PCDH15: variants seen among roughly 807,000 people sequenced by gnomAD.
PCDH15 encodes protocadherin-15.
PCDH15 carries 129 observed loss-of-function variants against 178.5 expected under a neutral mutation model. The ratio of observed to expected loss-of-function variants is 0.72; its 90% confidence interval spans 0.63 to 0.84. The LOEUF is 0.84. Ranked by LOEUF, PCDH15 falls within the 40% of genes least tolerant of loss-of-function variation. PCDH15 has a pLI of 0.00. For synonymous variants in PCDH15, 800 were observed against 732.0 expected (o/e 1.09, Z -1.50); for missense variants, 2,230 against 2,099.9 (o/e 1.06, Z -1.21).
chr10:55,626,029 G>T (rs1400469802), intron 2 of PCDH15, among the ~76,000 whole-genome samples: 1 of 151,976 alleles, frequency 6.6e-6, no homozygotes, highest in African/African-American at 2.4e-5. Context: ...TTAATTCAGG[G>T]CAACCCAACT....
At chr10:54,121,172 A>G (rs73239941) in intron 15 of PCDH15, among the ~76,000 whole-genome samples, 4,406 of 152,066 alleles carry the variant, frequency 0.029, 284 homozygotes, top group African/African-American at 0.1. Context: ...TGGAAATTAA[A>G]CAGCTTGCTC....
intron 2 of PCDH15, among the ~76,000 whole-genome samples, chr10:54,981,951 T>C (rs956442623): frequency 5.3e-5 from 8 of 151,876 alleles, no homozygotes; most frequent in Non-Finnish European, 7.4e-5. Context: ...TTTTTTTTCT[T>C]TATAGAAGAG....
At chr10:55,504,104 CTT>C (rs1394143043) in intron 2 of PCDH15, among the ~76,000 whole-genome samples, 11 of 151,182 alleles carry the variant, frequency 7.3e-5, no homozygotes, top group Non-Finnish European at 1.5e-4. Flanking sequence ...CATGTTATAC[CTT>C]TGTTTGAACC....
intron 15 of PCDH15, among the ~76,000 whole-genome samples, chr10:54,132,527 G>A (rs189643942): frequency 3.3e-5 from 5 of 152,204 alleles, no homozygotes; most frequent in Non-Finnish European, 5.9e-5. Flanking sequence ...TGGACAAAAG[G>A]CATACAAGAC....
intron 3 of PCDH15, among the ~76,000 whole-genome samples, chr10:54,444,710 T>C (rs2076040711): frequency 2.0e-5 from 3 of 151,674 alleles, no homozygotes; most frequent in African/African-American, 7.2e-5. Flanking sequence ...GAAACATCTA[T>C]TAATATTGCA....
chr10:54,297,492 A>G (rs1191921240), intron 8 of PCDH15, among the ~76,000 whole-genome samples: 1 of 152,170 alleles, frequency 6.6e-6, no homozygotes. Flanking sequence ...ATCCACAACT[A>G]TGCAAAGCTT....
chr10:55,276,661 G>C (rs1842605645), intron 1 of PCDH15, among the ~76,000 whole-genome samples: 1 of 151,364 alleles, frequency 6.6e-6, no homozygotes, highest in African/African-American at 2.4e-5. Flanking sequence ...TTTCTTGCAT[G>C]GTATTTATTA....
At chr10:53,938,159 G>A (rs944258426) in intron 25 of PCDH15, among the ~76,000 whole-genome samples, 3 of 152,078 alleles carry the variant, frequency 2.0e-5, no homozygotes, top group African/African-American at 7.2e-5. Flanking sequence ...ATGCTTCTCT[G>A]TGGGGGTAAA....
At chr10:54,445,983 T>G (rs2076119788) in intron 3 of PCDH15, among the ~76,000 whole-genome samples, 1 of 151,598 alleles carries the variant, frequency 6.6e-6, no homozygotes. Flanking sequence ...ACACTGTATA[T>G]GCTCTGATGA....
intron 1 of PCDH15, among the ~76,000 whole-genome samples, chr10:54,799,769 C>T (rs1457989105): frequency 6.6e-6 from 1 of 151,998 alleles, no homozygotes; most frequent in East Asian, 1.9e-4. Flanking sequence ...TGAAGACACA[C>T]ATGTACAGAT....
At chr10:54,645,229 A>T (rs531308382) in intron 2 of PCDH15, among the ~76,000 whole-genome samples, 2 of 152,258 alleles carry the variant, frequency 1.3e-5, no homozygotes, top group Admixed American at 6.5e-5. Context: ...GAAGCAGTTG[A>T]TATGCAAAAA....
chr10:54,357,832 C>A (rs1041719172), intron 5 of PCDH15, among the ~76,000 whole-genome samples: 2 of 152,042 alleles, frequency 1.3e-5, no homozygotes, highest in African/African-American at 4.8e-5. Flanking sequence ...ATCAATGGAA[C>A]AGAACAGAGC....
rs573926999 is a variant in PCDH15 at position 55,111,413 on chromosome 10, A to G, written c.-80+55163T>C. Among the ~76,000 whole-genome samples, 4 of 152,366 alleles carry G rather than the reference A, an allele frequency of 2.6e-5. No individual in the cohort carries two copies. The South Asian group carries it at 6.2e-4, about 24-fold the overall frequency. On this transcript the variant is annotated intron_variant, in intron 2 of 5. Coordinates refer to the PCDH15 transcript ENST00000458638. ...ATTTACAGCCTGAGTGAATAAGGCA[A>G]GCTTATTTTAAGAAGAAATTCAGGC...
At chr10:53,965,104 C>A (rs1478342014) in intron 21 of PCDH15, among the ~76,000 whole-genome samples, 4 of 150,984 alleles carry the variant, frequency 2.6e-5, no homozygotes, top group African/African-American at 9.7e-5. Context: ...CTTACCCGGG[C>A]TGGAGTGCAG....
intron 3 of PCDH15, among the ~76,000 whole-genome samples, chr10:54,843,685 T>C (rs906377751): frequency 6.6e-6 from 1 of 152,056 alleles, no homozygotes; most frequent in Non-Finnish European, 1.5e-5. Context: ...TAAGATAATT[T>C]GACGATTGTT....
chr10:54,149,693 A>G (rs73245405), intron 14 of PCDH15, among the ~76,000 whole-genome samples: 2,349 of 152,264 alleles, frequency 0.015, 76 homozygotes, highest in African/African-American at 0.054. Flanking sequence ...AAGCACTGGA[A>G]AGCTTGAGTA....
intron 3 of PCDH15, among the ~76,000 whole-genome samples, chr10:54,380,677 T>G: frequency 1.2e-5 from 1 of 86,300 alleles, no homozygotes; most frequent in Non-Finnish European, 2.2e-5. Flanking sequence ...ATATGCTCCA[T>G]ATATATATGC....
chr10:55,049,206 T>C (rs766121148), intron 2 of PCDH15, among the ~76,000 whole-genome samples: 14 of 152,016 alleles, frequency 9.2e-5, no homozygotes, highest in African/African-American at 2.7e-4. Context: ...AGCTTGTGAA[T>C]TGCAAAATAA....
intron 10 of PCDH15, among the ~76,000 whole-genome samples, chr10:54,202,678 G>A (rs891218597): frequency 2.0e-5 from 3 of 151,854 alleles, no homozygotes; most frequent in Non-Finnish European, 2.9e-5. Flanking sequence ...CGGGCATGGC[G>A]CTGCATGCCT....
Sources: gnomAD v4.1 joint callset for allele counts (sites outside exome capture counted in the v4.1 genomes callset) on GRCh38, gnomAD v4.1.1 for gene constraint, MANE v1.5 for transcripts, NCBI Gene and HGNC (gene_info 2026-07-23, HGNC 2026-07-21) for gene names.